Variants in ADCY9 observed in about 807,000 individuals in gnomAD.
The protein encoded by ADCY9 is adenylate cyclase type 9.
ADCY9 carries 50 observed loss-of-function variants against 101.5 expected under a neutral mutation model. The observed-to-expected ratio is 0.49, with a 90% confidence interval of 0.39 to 0.62. The LOEUF (loss-of-function observed/expected upper bound fraction) is 0.62. ADCY9 is among the 20% of genes least tolerant of loss of function. The pLI is 0.00. For synonymous variants in ADCY9, 905 were observed against 769.3 expected (o/e 1.18, Z -2.92); for missense variants, 1,662 against 1,800.4 (o/e 0.92, Z 1.39).
At chr16:3,954,197 G>A (rs1793732315) in intron 5 of ADCY9, among the ~76,000 whole-genome samples, 1 of 152,222 alleles carries the variant, frequency 6.6e-6, no homozygotes, top group South Asian at 2.1e-4. Flanking sequence ...CTGCAGGACG[G>A]GCGTCGCTGA....
Position 4,007,431 on chromosome 16 carries a change from C to A in ADCY9, c.1821G>T (p.Gly607=). Residue 607 remains glycine, a synonymous_variant, in exon 3 of 11, where the codon GGG becomes GGT. Coordinates refer to ENST00000294016, the MANE Select transcript of ADCY9 (RefSeq NM_001116.4). ...CACTGACATTCCCTGATGACGCTGTCCCCTGTCCCCTAGGGCCTGAGGACA... is the reference window on the plus strand; with the variant it reads ...CACTGACATTCCCTGATGACGCTGTACCCTGTCCCCTAGGGCCTGAGGACA... ...SQVSSGPRGQ[G]TASSGNVSDL... 1 of 1,613,866 alleles carries A rather than the reference C, an allele frequency of 6.2e-7. No homozygotes were observed. The highest frequency in any genetic ancestry group is 1.1e-5 in the South Asian group (1 of 91,050).
intron 2 of ADCY9, among the ~76,000 whole-genome samples, chr16:4,104,307 C>T (rs1013140379): frequency 2.0e-5 from 3 of 152,120 alleles, no homozygotes; most frequent in African/African-American, 7.2e-5. Flanking sequence ...ATTCAAGAGA[C>T]CAATATTTTC....
At chr16:4,043,783 A>G (rs150106692) in intron 2 of ADCY9, among the ~76,000 whole-genome samples, 61 of 152,296 alleles carry the variant, frequency 4.0e-4, no homozygotes, top group African/African-American at 1.4e-3. Flanking sequence ...ATTCATTCCA[A>G]AGTTAATTAA....
intron 5 of ADCY9, among the ~76,000 whole-genome samples, chr16:3,956,508 G>GT (rs1244162936): frequency 6.5e-4 from 4 of 6,150 alleles, no homozygotes; most frequent in African/African-American, 1.9e-3. Context: ...TTTTTTGGGG[G>GT]GGGATGGAGT....
intron 2 of ADCY9, among the ~76,000 whole-genome samples, chr16:4,066,558 TTTA>T (rs1021373702): frequency 3.3e-5 from 5 of 152,076 alleles, no homozygotes; most frequent in Non-Finnish European, 7.4e-5. Context: ...AGCTAATGTT[TTTA>T]TTATTTGTAG....
chr16:3,983,423 G>T lies in ADCY9; in HGVS notation c.2328C>A (p.Pro776=), dbSNP rs191201790. Residue 776 remains proline, a synonymous_variant, in exon 7 of 11, where the codon CCC becomes CCA. Transcript: ENST00000294016. ...AGGTGGGACTAGCAAACGTCTTCAC[G>T]GGGGAGTTCTTTATGACCTGTGTGG... ...SYQEEVIKNS[P]VKTFASPTFS... 1 of 1,605,616 alleles carries T rather than the reference G, an allele frequency of 6.2e-7. No individual in the cohort carries two copies.
chr16:4,025,828 G>A (rs2056511151), intron 2 of ADCY9, among the ~76,000 whole-genome samples: 2 of 152,160 alleles, frequency 1.3e-5, no homozygotes. Context: ...GTGGCAGTGG[G>A]GACAGCAAAG....
intron 2 of ADCY9, among the ~76,000 whole-genome samples, chr16:4,102,812 CCCAGGTT>C (rs1327679816): frequency 1.3e-5 from 2 of 152,300 alleles, no homozygotes; most frequent in African/African-American, 4.8e-5. Context: ...GCCTCCGCCT[CCCAGGTT>C]CAAGTGATTC....
At chr16:3,977,069 G>C (rs1043744186) in intron 9 of ADCY9, among the ~76,000 whole-genome samples, 3 of 152,168 alleles carry the variant, frequency 2.0e-5, no homozygotes, top group African/African-American at 7.2e-5. Flanking sequence ...CCCCACTCAA[G>C]GAAAGTCAGC....
intron 2 of ADCY9, among the ~76,000 whole-genome samples, chr16:4,072,052 C>A (rs1231052869): frequency 6.6e-6 from 1 of 152,172 alleles, no homozygotes; most frequent in Non-Finnish European, 1.5e-5. Flanking sequence ...TCTGACAGAA[C>A]CAAAGCCACT....
intron 3 of ADCY9, among the ~76,000 whole-genome samples, chr16:4,004,521 C>T (rs1324796658): frequency 6.6e-6 from 1 of 152,228 alleles, no homozygotes; most frequent in Admixed American, 6.5e-5. Context: ...GCTCGGGCTT[C>T]TGACTTCAGT....
At chr16:4,021,128 G>A (rs372676147) in intron 2 of ADCY9, among the ~76,000 whole-genome samples, 3 of 152,068 alleles carry the variant, frequency 2.0e-5, no homozygotes. Flanking sequence ...AAAAGTGGTT[G>A]GTAAAACACA....
Position 3,954,853 on chromosome 16 carries a change from CTT to C in ADCY9, c.568-1339_568-1338del, listed in dbSNP as rs921648336. On this transcript the variant is annotated intron_variant, in intron 5 of 5. Transcript: ENST00000576936. ...CCATTGGTTGGGAACACAGCCAACT[CTT>C]TTGGAGTTTTGTTAACTATCCCGAG... Among the ~76,000 whole-genome samples the C allele has an allele frequency of 6.6e-5, 10 of 152,202 alleles. 1 individual carries two copies. Among genetic ancestry groups the C allele is most frequent in the Middle Eastern group, 6.8e-3 (2 of 294 alleles).
At chr16:3,988,598 TG>T (rs372091022) in intron 6 of ADCY9, among the ~76,000 whole-genome samples, 1,459 of 28,524 alleles carry the variant, frequency 0.051, 13 homozygotes, top group Middle Eastern at 0.079. Context: ...CCATGGCAGG[TG>T]GGGGGGGTTC....
intron 2 of ADCY9, among the ~76,000 whole-genome samples, chr16:4,090,849 TAA>T (rs996184275): frequency 6.6e-6 from 1 of 151,942 alleles, no homozygotes; most frequent in Non-Finnish European, 1.5e-5. Flanking sequence ...TGCATTCATA[TAA>T]AAAGAGTCTC....
intron 2 of ADCY9, among the ~76,000 whole-genome samples, chr16:4,050,708 C>T (rs1020024003): frequency 1.2e-4 from 9 of 75,154 alleles, no homozygotes; most frequent in South Asian, 5.2e-4. Context: ...AGTGAAACTC[C>T]GTCTCAAAAA....
chr16:4,041,758 T>G (rs981036572), intron 2 of ADCY9, among the ~76,000 whole-genome samples: 6 of 150,288 alleles, frequency 4.0e-5, no homozygotes, highest in East Asian at 1.9e-4. Flanking sequence ...TTTTTTTGTT[T>G]TTTTTTTTTT....
Position 4,116,277 on chromosome 16 carries a change from C to A in ADCY9, c.-631G>T, listed in dbSNP as rs1362623407. ...CTGCCGCAGAGCCGGGCTCCCGCGA[C>A]GCCGGCCGGGACGCCCGCCCGCCCG... On this transcript the variant is annotated 5_prime_UTR_variant, in exon 1 of 11. Coordinates refer to ENST00000294016, the MANE Select transcript of ADCY9 (RefSeq NM_001116.4). 5 of 146,216 alleles carry A rather than the reference C, an allele frequency of 3.4e-5. No individual in the cohort carries two copies. The South Asian group carries it at 5.8e-4, about 17-fold the overall frequency. The allele number at this position is 146,216 out of a possible 1,614,324, so 9.1% of individuals were successfully genotyped here. A position where few individuals can be genotyped will look rare whatever the true frequency, so the allele number is the denominator to read the frequency against.
At chr16:4,082,355 C>A (rs918036132) in intron 2 of ADCY9, among the ~76,000 whole-genome samples, 5 of 152,050 alleles carry the variant, frequency 3.3e-5, no homozygotes, top group African/African-American at 1.2e-4. Context: ...CCAGCCAGGG[C>A]AACAGAACAG....
Sources: gnomAD v4.1 joint callset for allele counts (sites outside exome capture counted in the v4.1 genomes callset) on GRCh38, gnomAD v4.1.1 for gene constraint, MANE v1.5 for transcripts, NCBI Gene and HGNC (gene_info 2026-07-23, HGNC 2026-07-21) for gene names.